GAS6: variants seen among roughly 807,000 people sequenced by gnomAD.
GAS6 encodes growth arrest specific 6, also known as growth arrest-specific protein 6.
In GAS6, 41 loss-of-function variants were observed where a neutral mutation model predicts 75.8. The ratio of observed to expected loss-of-function variants is 0.54; its 90% CI spans 0.42 to 0.70. The LOEUF (loss-of-function observed/expected upper bound fraction) is 0.70, where lower values mean the gene tolerates loss of function less well. Among genes scored for constraint, GAS6 ranks in the 30% least tolerant of loss-of-function variants. GAS6 has a pLI of 0.00. For synonymous variants in GAS6, 432 were observed against 412.6 expected (o/e 1.05, Z -0.57); for missense variants, 854 against 940.2 (o/e 0.91, Z 1.20).
rs929257792 is a variant in GAS6, at chr13:113,822,048, C to T, written c.1792G>A (p.Glu598Lys). The stretch of plus-strand genomic sequence containing the variant: ...TCCTGCAGCTGCGCGGCGCTCACCT[C>T]GCTCTGGCCCCTGGTGCCGTCCACC... ...LEVDGTRGQS[E>K]VSAAQLQERL... Residue 598 changes from glutamate (E) to lysine (K), a missense_variant, in exon 14 of 15, where the codon GAG (glutamate) becomes AAG (lysine). By Grantham distance (56) the Glu-to-Lys change is moderately conservative (BLOSUM62 1). Transcript: ENST00000327773. The T allele has an allele frequency of 1.7e-5, 27 of 1,581,208 alleles. No individual in the cohort carries two copies. Among genetic ancestry groups the T allele is most frequent in the Non-Finnish European group, 2.1e-5 (25 of 1,165,592 alleles).
At chr13:113,849,097 C>T (rs2051855453) in intron 2 of GAS6, among the ~76,000 whole-genome samples, 1 of 152,190 alleles carries the variant, frequency 6.6e-6, no homozygotes, top group African/African-American at 2.4e-5. Context: ...AGCCTGGAGG[C>T]CCCGCCCCAG....
chr13:113,838,346 T>A, intron 5 of GAS6, 155 bp from the exon 6 acceptor site: 1 of 818,896 alleles, frequency 1.2e-6, no homozygotes, highest in Non-Finnish European at 1.9e-6. Context: ...ATCCCAAAGG[T>A]GCACAGCCCA....
Position 113,820,675 on chromosome 13 carries a change from C to CG in GAS6, c.*188dup. ...TGCGCTGCGCCGGCCTCCCCGCGCCCGGGCCCACGGCTGAGTGCGCGGCGT... is the reference window on the plus strand; with the variant it reads ...TGCGCTGCGCCGGCCTCCCCGCGCCCGGGGCCCACGGCTGAGTGCGCGGCGT... On this transcript the variant is annotated 3_prime_UTR_variant, in exon 15 of 15. Coordinates refer to ENST00000327773, the MANE Select transcript of GAS6 (RefSeq NM_000820.4). 1 of 654,860 alleles carries CG rather than the reference C, an allele frequency of 1.5e-6. No individual in the cohort carries two copies. Among genetic ancestry groups the CG allele is most frequent in the Non-Finnish European group, 2.5e-6 (1 of 395,442 alleles). 40.6% of individuals were successfully genotyped at this position (654,860 alleles called of 1,614,324 possible). A position where few individuals can be genotyped will look rare whatever the true frequency, so the allele number is the denominator to read the frequency against.
intron 2 of GAS6, among the ~76,000 whole-genome samples, chr13:113,850,733 G>C (rs956682513): frequency 2.6e-5 from 4 of 152,178 alleles, no homozygotes; most frequent in African/African-American, 7.2e-5. Flanking sequence ...AGAATGGATG[G>C]GTGAATAAAT....
chr13:113,821,635 C>A (rs952855690), intron 14 of GAS6: 2 of 370,416 alleles, frequency 5.4e-6, no homozygotes, highest in African/African-American at 4.1e-5. Context: ...GCAGCCTGGC[C>A]CGAGGTCTGC....
intron 12 of GAS6, among the ~76,000 whole-genome samples, chr13:113,824,980 A>G (rs1326009081): frequency 6.6e-6 from 1 of 152,122 alleles, no homozygotes; most frequent in African/African-American, 2.4e-5. Flanking sequence ...GCAATTTGGG[A>G]GGCTGAGGTG....
intron 2 of GAS6, among the ~76,000 whole-genome samples, chr13:113,860,592 T>G (rs1197486570): frequency 6.6e-6 from 1 of 152,134 alleles, no homozygotes; most frequent in Non-Finnish European, 1.5e-5. Flanking sequence ...TTACCCAGTC[T>G]TCTCTGAATT....
chr13:113,859,536 C>T (rs1479193914), intron 2 of GAS6, among the ~76,000 whole-genome samples: 1 of 151,024 alleles, frequency 6.6e-6, no homozygotes, highest in Admixed American at 6.6e-5. Context: ...GTGTGCATGT[C>T]TGTCAGTGTG....
intron 12 of GAS6, among the ~76,000 whole-genome samples, chr13:113,824,849 A>G (rs558858573): frequency 8.5e-5 from 13 of 152,324 alleles, no homozygotes; most frequent in Admixed American, 6.5e-4. Context: ...ACAGAATCAA[A>G]AAGTAACAAC....
At chr13:113,835,459 CGT>C (rs1243477039) in intron 7 of GAS6, 52 bp downstream of exon 7, 1 of 1,592,472 alleles carries the variant, frequency 6.3e-7, no homozygotes, top group Non-Finnish European at 8.6e-7. Context: ...GACTGGCACC[CGT>C]GTCTAGACTT....
chr13:113,826,950 T>C (rs1163936465), intron 12 of GAS6, 46 bp downstream of exon 12: 1 of 1,505,802 alleles, frequency 6.6e-7, no homozygotes, highest in Non-Finnish European at 9.0e-7. Flanking sequence ...TATGCCTGTC[T>C]GAAGGTGCAG....
At chr13:113,840,998 G>T (rs79603303) in intron 4 of GAS6, 2,508 of 152,508 alleles carry the variant, frequency 0.016, 81 homozygotes, top group African/African-American at 0.057. Context: ...CAGCCCTGGT[G>T]GGGGCACGTC....
At chr13:113,829,210 C>G (rs2051594658) in intron 10 of GAS6, among the ~76,000 whole-genome samples, 1 of 89,916 alleles carries the variant, frequency 1.1e-5, no homozygotes, top group Admixed American at 1.0e-4. Flanking sequence ...CTGATCCTCA[C>G]CTGGGCCAAG....
chr13:113,839,713 TTCAGCC>T lies in GAS6; in HGVS notation c.466+9_466+14del, dbSNP rs770097064. ...GATGGAGGGAGACCCCGCCTTTGTC[TTCAGCC>T]TCACGTACCTTTGTCGCAGAGCCGG... On this transcript the variant is annotated intron_variant, in intron 5 of 14. Coordinates refer to ENST00000327773, the MANE Select transcript of GAS6 (RefSeq NM_000820.4). The T allele has an allele frequency of 2.7e-5, 44 of 1,612,728 alleles. 1 individual carries two copies. In the South Asian group the frequency reaches 4.7e-4, roughly 17 times the overall value.
chr13:113,851,438 G>A (rs571413936), intron 2 of GAS6, among the ~76,000 whole-genome samples: 8 of 151,442 alleles, frequency 5.3e-5, no homozygotes, highest in Admixed American at 4.6e-4. Flanking sequence ...TGGATGGACA[G>A]ATGAATGAAT....
In GAS6 at chr13:113,845,943, C is replaced by T. The variant is rs929810759; in HGVS notation, c.343+584G>A. On this transcript the variant is annotated intron_variant, in intron 4 of 14. Coordinates refer to ENST00000327773, the MANE Select transcript of GAS6 (RefSeq NM_000820.4). This position sits in a 1 kb window ranked among gnomAD's most constrained non-coding sequence, Gnocchi z 4.3. ...CGATTCCATCCTTGGGAACGCATCC[C>T]GCAGACACTCAGACGTGTGGGAGGC... Among the ~76,000 whole-genome samples, 3 of 152,216 alleles carry T rather than the reference C, an allele frequency of 2.0e-5. No individual in the cohort carries two copies. Among genetic ancestry groups the T allele is most frequent in the South Asian group, 2.1e-4 (1 of 4,830 alleles).
chr13:113,836,888 AGTGGGGAAAGGAGG>A, intron 6 of GAS6, among the ~76,000 whole-genome samples: 1 of 16,508 alleles, frequency 6.1e-5, no homozygotes, highest in Non-Finnish European at 1.1e-4. Context: ...GAGGAGGGGG[AGTGGGGAAAGGAGG>A]AGGGGGAATG....
chr13:113,820,618 A>ATAAT lies in GAS6; in HGVS notation c.*242_*245dup, dbSNP rs1363217938. 4.1e-6 allele frequency: 2 copies of ATAAT among 486,478 alleles called. No homozygotes were observed. The highest frequency in any genetic ancestry group is 7.3e-6 in the Non-Finnish European group (2 of 273,272). The allele number at this position is 486,478 out of a possible 1,614,324, so 30.1% of individuals were successfully genotyped here. On this transcript the variant is annotated 3_prime_UTR_variant, in exon 15 of 15. Coordinates refer to ENST00000327773, the MANE Select transcript of GAS6 (RefSeq NM_000820.4). ...CAGAAAGAAGCGCTTGGTAATAAAA[A>ATAAT]TAATAGAGAATTATTTTCTTCGAGC...
At chr13:113,842,409 C>T (rs939239161) in intron 4 of GAS6, 2 of 394,204 alleles carry the variant, frequency 5.1e-6, no homozygotes, top group East Asian at 3.6e-5. Flanking sequence ...TACGAGGAAA[C>T]GAGGACCAGG....
Sources: gnomAD v4.1 joint callset for allele counts (sites outside exome capture counted in the v4.1 genomes callset) on GRCh38, gnomAD v4.1.1 for gene constraint, Gnocchi (gnomAD v3.1) non-coding constraint, MANE v1.5 for transcripts, NCBI Gene and HGNC (gene_info 2026-07-23, HGNC 2026-07-21) for gene names.